Variants in HYCC1 observed in about 807,000 individuals in gnomAD.
HYCC1 encodes hyccin.
the HYCC1 span, among the ~76,000 whole-genome samples, chr7:22,975,182 G>T: frequency 6.8e-6 from 1 of 147,730 alleles, no homozygotes; most frequent in African/African-American, 2.5e-5. Flanking sequence ...TTGAATTATC[G>T]AGGGGAATAA....
the HYCC1 span, among the ~76,000 whole-genome samples, chr7:23,002,925 T>C: frequency 7.8e-3 from 1,181 of 152,260 alleles, 15 homozygotes; most frequent in African/African-American, 0.027. Flanking sequence ...CTATGGCTTA[T>C]AGATGGCGGT....
At chr7:23,002,164 A>ATATACACAAT in the HYCC1 span, among the ~76,000 whole-genome samples, 74 of 26,158 alleles carry the variant, frequency 2.8e-3, no homozygotes, top group African/African-American at 7.2e-3. Context: ...ATATATATAT[A>ATATACACAAT]TATATATATA....
chr7:22,966,263 C>T, the HYCC1 span, among the ~76,000 whole-genome samples: 2 of 151,964 alleles, frequency 1.3e-5, no homozygotes, highest in Non-Finnish European at 2.9e-5. Context: ...ACTTTCTGAC[C>T]AACATGCACT....
chr7:22,917,591 C>A, the HYCC1 span, among the ~76,000 whole-genome samples: 1 of 152,214 alleles, frequency 6.6e-6, no homozygotes. Context: ...GCCTTTCCCA[C>A]AGGGCCTGAA....
At chr7:22,939,835 C>G in the HYCC1 span, 1 of 152,066 alleles carries the variant, frequency 6.6e-6, no homozygotes, top group Non-Finnish European at 1.5e-5. Context: ...ATTCTATGCA[C>G]TTTATAGGAT....
At chr7:23,002,514 C>G in the HYCC1 span, among the ~76,000 whole-genome samples, 1 of 151,982 alleles carries the variant, frequency 6.6e-6, no homozygotes, top group African/African-American at 2.4e-5. Context: ...TAAACAAATT[C>G]AATTAAATTA....
chr7:22,906,577 CA>C, the HYCC1 span, among the ~76,000 whole-genome samples: 118 of 118,948 alleles, frequency 9.9e-4, no homozygotes, highest in Admixed American at 1.2e-3. Context: ...GACTCGGTCT[CA>C]AAAAAAAAAA....
At chr7:23,003,012 A>G in the HYCC1 span, among the ~76,000 whole-genome samples, 1 of 152,164 alleles carries the variant, frequency 6.6e-6, no homozygotes, top group Non-Finnish European at 1.5e-5. Context: ...GACACCAATC[A>G]TACTGAATTA....
the HYCC1 span, chr7:22,983,867 T>C: frequency 1.2e-6 from 1 of 853,176 alleles, no homozygotes; most frequent in Non-Finnish European, 2.0e-6. Context: ...CTTACCCCTT[T>C]ATATCTATTT....
chr7:22,947,154 T>G, the HYCC1 span: 7 of 1,550,222 alleles, frequency 4.5e-6, no homozygotes, highest in Middle Eastern at 1.7e-4. Context: ...TTTTTCCCCA[T>G]TCCCGGTTCT....
the HYCC1 span, among the ~76,000 whole-genome samples, chr7:22,961,576 A>T: frequency 3.9e-5 from 6 of 152,202 alleles, no homozygotes; most frequent in Non-Finnish European, 8.8e-5. Context: ...GAACAGAAAT[A>T]AAAAAAGCTA....
At chr7:22,934,206 C>CTTT in the HYCC1 span, 25 of 100,170 alleles carry the variant, frequency 2.5e-4, 1 homozygote, top group African/African-American at 3.0e-4. Flanking sequence ...TCTTTTTTTT[C>CTTT]TTTTTTTTTT....
chr7:22,921,337 A>T, the HYCC1 span, among the ~76,000 whole-genome samples: 1 of 152,354 alleles, frequency 6.6e-6, no homozygotes, highest in East Asian at 1.9e-4. Flanking sequence ...ATAATACCAG[A>T]TGGTAACTCA....
At chr7:22,946,972 T>C in the HYCC1 span, 1 of 1,548,684 alleles carries the variant, frequency 6.5e-7, no homozygotes, top group Non-Finnish European at 8.7e-7. Flanking sequence ...AGTTATAAAG[T>C]GCTCTGCTAA....
At chr7:22,978,178 A>C in the HYCC1 span, 1 of 1,217,908 alleles carries the variant, frequency 8.2e-7, no homozygotes. Context: ...TGAAAAAACA[A>C]ACACTAGCTT....
the HYCC1 span, among the ~76,000 whole-genome samples, chr7:23,002,739 T>C: frequency 7.9e-5 from 12 of 152,288 alleles, no homozygotes; most frequent in South Asian, 2.1e-4. Flanking sequence ...TACATCCAAG[T>C]ATAAAAGCCA....
At chr7:22,949,397 C>A in the HYCC1 span, among the ~76,000 whole-genome samples, 1 of 152,056 alleles carries the variant, frequency 6.6e-6, no homozygotes, top group African/African-American at 2.4e-5. Context: ...AATACTAACT[C>A]TAACTCTTCA....
the HYCC1 span, chr7:22,935,445 A>G: frequency 6.6e-6 from 1 of 152,122 alleles, no homozygotes; most frequent in African/African-American, 2.4e-5. Flanking sequence ...TCTTACTCCT[A>G]TGGTGGAGCT....
At chr7:22,896,762 T>G in the HYCC1 span, among the ~76,000 whole-genome samples, 5 of 152,270 alleles carry the variant, frequency 3.3e-5, no homozygotes, top group South Asian at 1.0e-3. Context: ...TCTCTGACAG[T>G]CTGGGAGTTC....
Sources: gnomAD v4.1 joint callset for allele counts (sites outside exome capture counted in the v4.1 genomes callset) on GRCh38, gnomAD v4.1.1 for gene constraint, MANE v1.5 for transcripts, NCBI Gene and HGNC (gene_info 2026-07-23, HGNC 2026-07-21) for gene names.